The following MAP7D2 variants were observed in gnomAD, a reference collection of about 807,000 sequenced individuals.
MAP7D2 encodes MAP7 domain-containing protein 2.
MAP7D2 carries 33 observed loss-of-function variants against 63.5 expected under a neutral mutation model. The observed-to-expected ratio is 0.52, with a 90% CI of 0.39 to 0.70. The LOEUF (loss-of-function observed/expected upper bound fraction) is 0.70. MAP7D2 is among the 30% of genes least tolerant of loss of function. MAP7D2 has a pLI of 0.00. For synonymous variants in MAP7D2, 224 were observed against 223.7 expected, an observed-to-expected ratio of 1.00 and a Z score of -0.01; for missense variants, 626 against 604.0, an observed-to-expected ratio of 1.04 and a Z score of -0.38.
At chrX:20,014,900 A>G (rs1423155750) in intron 12 of MAP7D2, among the ~76,000 whole-genome samples, 1 of 110,344 alleles carries the variant, frequency 9.1e-6, no homozygotes, top group Non-Finnish European at 1.9e-5. Flanking sequence ...TATTTTTAGT[A>G]GAGACAGGGT....
chrX:20,012,615 T>A, intron 14 of MAP7D2, 80 bp from the exon 15 acceptor site: 1 of 836,515 alleles, frequency 1.2e-6, no homozygotes, highest in Non-Finnish European at 1.7e-6. Flanking sequence ...TCAAGGCAAT[T>A]AATTTAATGC....
intron 1 of MAP7D2, among the ~76,000 whole-genome samples, chrX:20,106,867 T>C (rs2066581272): frequency 9.0e-6 from 1 of 110,663 alleles, no homozygotes; most frequent in African/African-American, 3.3e-5. Flanking sequence ...CCTGTGGTCC[T>C]GGCTACTTGG....
intron 1 of MAP7D2, among the ~76,000 whole-genome samples, chrX:20,083,894 G>A (rs1405495639): frequency 1.8e-5 from 2 of 111,081 alleles, no homozygotes; most frequent in Non-Finnish European, 3.8e-5. Context: ...CAGTGCACAG[G>A]ACAACCCTCA....
intron 5 of MAP7D2, 69 bp downstream of exon 5, chrX:20,052,809 G>A: frequency 1.2e-6 from 1 of 848,858 alleles, no homozygotes; most frequent in Non-Finnish European, 1.8e-6. Flanking sequence ...CTCTCACAAA[G>A]ACAAACGTTA....
At chrX:20,079,700 T>C (rs979623306) in intron 1 of MAP7D2, among the ~76,000 whole-genome samples, 1 of 111,982 alleles carries the variant, frequency 8.9e-6, no homozygotes, top group Non-Finnish European at 1.9e-5. Flanking sequence ...CCCAAGGTTA[T>C]GGGGTAGAGG....
Position 20,024,931 on chromosome X carries a change from A to T in MAP7D2, c.1412+20T>A. ...CAACAGTTACATGAGATCACACCGA[A>T]ATTCTGAGCACTAGCATACCTATCT... On this transcript the variant is annotated intron_variant, in intron 10 of 16. Transcript: ENST00000379643. 1 of 1,203,829 alleles carries T rather than the reference A, an allele frequency of 8.3e-7. No individual in the cohort carries two copies. Among genetic ancestry groups the T allele is most frequent in the Non-Finnish European group, 1.1e-6 (1 of 891,889 alleles).
intron 6 of MAP7D2, chrX:20,049,870 T>C (rs1384520686): frequency 6.2e-6 from 2 of 322,927 alleles, no homozygotes; most frequent in African/African-American, 5.4e-5. Context: ...AAAAAAATTC[T>C]AGTCATCCTA....
At chrX:20,048,733 G>A (rs2064864595) in intron 6 of MAP7D2, among the ~76,000 whole-genome samples, 1 of 109,297 alleles carries the variant, frequency 9.1e-6, no homozygotes, top group African/African-American at 3.3e-5. Context: ...TTTGAGACCA[G>A]CCTGAGCAAC....
At chrX:20,106,335 C>A (rs1364828484) in intron 1 of MAP7D2, among the ~76,000 whole-genome samples, 3 of 112,101 alleles carry the variant, frequency 2.7e-5, no homozygotes, top group Non-Finnish European at 5.6e-5. Context: ...AAAGCAAAAT[C>A]AGGATATCCC....
chrX:20,087,093 G>C (rs962879832), intron 1 of MAP7D2, among the ~76,000 whole-genome samples: 2 of 112,219 alleles, frequency 1.8e-5, no homozygotes, highest in Non-Finnish European at 3.8e-5. Context: ...ACACATTGGT[G>C]GGGGGAGTGA....
chrX:20,020,737 C>A (rs958308501), intron 10 of MAP7D2, among the ~76,000 whole-genome samples: 2 of 112,240 alleles, frequency 1.8e-5, no homozygotes, highest in African/African-American at 6.5e-5. Context: ...CAGGTCTGAG[C>A]AGCCTCGAAG....
At chrX:20,052,425 C>A in intron 5 of MAP7D2, 1 of 292,440 alleles carries the variant, frequency 3.4e-6, no homozygotes, top group South Asian at 3.5e-5. Flanking sequence ...AATGGGCAGG[C>A]CTATAAACCA....
chrX:20,009,428 C>G (rs1317764560), intron 16 of MAP7D2, among the ~76,000 whole-genome samples: 1 of 110,852 alleles, frequency 9.0e-6, no homozygotes, highest in Non-Finnish European at 1.9e-5. Context: ...CTTTGGGAAG[C>G]CAAGGCAGGC....
intron 1 of MAP7D2, among the ~76,000 whole-genome samples, chrX:20,079,298 T>C (rs138237518): frequency 7.2e-4 from 81 of 111,926 alleles, no homozygotes; most frequent in African/African-American, 2.6e-3. Context: ...AGAAAGAGCA[T>C]GGCAAAAAGG....
At chrX:20,014,882 A>AT (rs2073331037) in intron 12 of MAP7D2, among the ~76,000 whole-genome samples, 1 of 109,837 alleles carries the variant, frequency 9.1e-6, no homozygotes, top group Non-Finnish European at 1.9e-5. Flanking sequence ...ACACCCAGCT[A>AT]TTTTTTGTAT....
chrX:20,082,821 G>A, intron 1 of MAP7D2, among the ~76,000 whole-genome samples: 1 of 111,275 alleles, frequency 9.0e-6, no homozygotes, highest in Non-Finnish European at 1.9e-5. Context: ...GTAGAGACGG[G>A]GTTTCATTAT....
intron 10 of MAP7D2, among the ~76,000 whole-genome samples, chrX:20,024,058 G>A (rs969840019): frequency 9.0e-6 from 1 of 111,630 alleles, no homozygotes; most frequent in Non-Finnish European, 1.9e-5. Context: ...CTCTAAATTC[G>A]GTGCTGGCCT....
intron 1 of MAP7D2, among the ~76,000 whole-genome samples, chrX:20,090,220 C>T (rs1048114586): frequency 2.7e-5 from 3 of 110,005 alleles, no homozygotes; most frequent in African/African-American, 9.9e-5. Context: ...TCCGGCCGGG[C>T]ATGGTGGCTC....
At chrX:20,062,307 T>C (rs1364121389) in intron 3 of MAP7D2, among the ~76,000 whole-genome samples, 3 of 111,281 alleles carry the variant, frequency 2.7e-5, no homozygotes, top group African/African-American at 9.8e-5. Context: ...GAGCTGACAT[T>C]TGAACTGGGA....
Sources: gnomAD v4.1 joint callset for allele counts (sites outside exome capture counted in the v4.1 genomes callset) on GRCh38, gnomAD v4.1.1 for gene constraint, MANE v1.5 for transcripts, NCBI Gene and HGNC (gene_info 2026-07-23, HGNC 2026-07-21) for gene names.